Variants in RIPOR2 observed in about 807,000 individuals in gnomAD.
RIPOR2 encodes the protein RHO family interacting cell polarization regulator 2.
A neutral mutation model predicts 114.5 loss-of-function variants in RIPOR2; 39 were observed. The observed-to-expected ratio is 0.34, with a 90% confidence interval of 0.26 to 0.44. RIPOR2 has a LOEUF of 0.44. RIPOR2 is among the 20% of genes least tolerant of loss of function. The pLI is 1.00. For synonymous variants in RIPOR2, 445 were observed against 484.4 expected (o/e 0.92, Z 1.07); for missense variants, 1,007 against 1,255.1 (o/e 0.80, Z 2.99).
At chr6:24,837,104 T>C (rs367639353) in intron 14 of RIPOR2, among the ~76,000 whole-genome samples, 2 of 152,092 alleles carry the variant, frequency 1.3e-5, no homozygotes, top group Non-Finnish European at 2.9e-5. Context: ...AGCTAAAAAA[T>C]ATTAAGGCAG....
intron 1 of RIPOR2, among the ~76,000 whole-genome samples, chr6:24,953,105 G>A (rs545030697): frequency 6.6e-6 from 1 of 152,044 alleles, no homozygotes; most frequent in African/African-American, 2.4e-5. Context: ...AGGTCAAAGC[G>A]GGCGGATCAC....
chr6:24,853,862 T>A (rs199975196), intron 8 of RIPOR2, among the ~76,000 whole-genome samples: 2 of 152,144 alleles, frequency 1.3e-5, no homozygotes, highest in East Asian at 3.8e-4. Flanking sequence ...ACGCCTATAA[T>A]CCTAGCACTT....
At chr6:24,809,886 T>A in intron 20 of RIPOR2, 79 bp from the exon 21 acceptor site, 1 of 955,346 alleles carries the variant, frequency 1.0e-6, no homozygotes, top group Non-Finnish European at 1.6e-6. Context: ...TCACAACTGG[T>A]GGGAACTTTA....
At position 25,005,738 on chromosome 6, in the gene RIPOR2, T is replaced by TATATATATATATATATATATAC. The variant is rs34572978; in HGVS notation, c.76+36112_76+36113insGTATATATATATATATATATAT. Among the ~76,000 whole-genome samples the TATATATATATATATATATATAC allele has an allele frequency of 4.0e-4, 28 of 70,700 alleles. 7 individuals are homozygous for TATATATATATATATATATATAC. Among genetic ancestry groups the TATATATATATATATATATATAC allele is most frequent in the Non-Finnish European group, 6.7e-4 (20 of 30,032 alleles). The allele number at this position is 70,700 out of a possible 152,430, so 46.4% of individuals were successfully genotyped here. A position where few individuals can be genotyped will look rare whatever the true frequency, so the allele number is the denominator to read the frequency against. On this transcript the variant is annotated intron_variant, in intron 1 of 13. Coordinates refer to the RIPOR2 transcript ENST00000510784. Reference sequence around the variant, plus strand: ...ATATATATATATATATATATATATATATACATTTACCGATCAAAAGATATG... The same window carrying TATATATATATATATATATATAC: ...ATATATATATATATATATATATATATATATATATATATATATATATACATACATTTACCGATCAAAAGATATG...
chr6:24,894,965 A>G (rs890807280), intron 1 of RIPOR2, among the ~76,000 whole-genome samples: 2 of 152,186 alleles, frequency 1.3e-5, no homozygotes, highest in Non-Finnish European at 2.9e-5. Flanking sequence ...TATAACTATC[A>G]ATAACTTCTA....
chr6:25,036,816 G>A (rs1383473851), intron 1 of RIPOR2, among the ~76,000 whole-genome samples: 1 of 152,204 alleles, frequency 6.6e-6, no homozygotes, highest in Non-Finnish European at 1.5e-5. Flanking sequence ...TTTCCCAGAA[G>A]AACAGGAGTC....
chr6:24,954,924 A>T (rs753513930), intron 1 of RIPOR2, among the ~76,000 whole-genome samples: 3 of 152,244 alleles, frequency 2.0e-5, no homozygotes, highest in Non-Finnish European at 4.4e-5. Context: ...CACTTAGGGC[A>T]TTCTTCCTAA....
At chr6:25,018,103 C>A (rs1279074444) in intron 1 of RIPOR2, among the ~76,000 whole-genome samples, 1 of 152,176 alleles carries the variant, frequency 6.6e-6, no homozygotes, top group Admixed American at 6.5e-5. Context: ...ACTGCTCTTA[C>A]CTCCTTGCTT....
intron 1 of RIPOR2, among the ~76,000 whole-genome samples, chr6:24,918,883 G>A (rs1770278442): frequency 6.6e-6 from 1 of 152,134 alleles, no homozygotes; most frequent in South Asian, 2.1e-4. Context: ...TGCCTCCTCT[G>A]TAAACCTGGA....
intron 1 of RIPOR2, among the ~76,000 whole-genome samples, chr6:25,017,779 G>A (rs763656212): frequency 6.6e-6 from 1 of 152,232 alleles, no homozygotes; most frequent in Non-Finnish European, 1.5e-5. Context: ...TGACAGATGG[G>A]AATGCAGGAA....
intron 1 of RIPOR2, chr6:24,910,857 A>G: frequency 1.0e-6 from 1 of 985,398 alleles, no homozygotes; most frequent in Non-Finnish European, 1.2e-6. Flanking sequence ...GGGCACACTC[A>G]GGGTTCTCTG....
intron 1 of RIPOR2, among the ~76,000 whole-genome samples, chr6:24,986,441 T>A (rs1353331903): frequency 1.3e-5 from 2 of 152,212 alleles, no homozygotes; most frequent in Non-Finnish European, 2.9e-5. Context: ...GGCAATTACA[T>A]CTGGTAGACC....
chr6:24,948,015 A>G (rs866939159), intron 1 of RIPOR2: 21 of 152,116 alleles, frequency 1.4e-4, no homozygotes, highest in African/African-American at 5.1e-4. Flanking sequence ...ATTAACTCAT[A>G]CTAGCATCAT....
chr6:24,850,240 G>A (rs767341202), intron 10 of RIPOR2, among the ~76,000 whole-genome samples: 6 of 151,764 alleles, frequency 4.0e-5, no homozygotes, highest in Non-Finnish European at 7.4e-5. Flanking sequence ...GGGACTACAG[G>A]CACACGGACC....
chr6:25,042,048 G>C, upstream of RIPOR2: 1 of 411,828 alleles, frequency 2.4e-6, no homozygotes, highest in Non-Finnish European at 4.1e-6. Flanking sequence ...CCCCCTTTTT[G>C]TTCTTTTCTT....
intron 13 of RIPOR2, chr6:24,840,268 G>C: frequency 9.7e-7 from 1 of 1,031,094 alleles, no homozygotes; most frequent in Non-Finnish European, 1.2e-6. Context: ...TTCCTCTGAG[G>C]ACTGAGGAAA....
intron 1 of RIPOR2, chr6:24,976,388 C>T (rs9467372): frequency 0.025 from 34,509 of 1,374,620 alleles, 1,317 homozygotes; most frequent in East Asian, 0.19. Flanking sequence ...TTGCAGACGC[C>T]GCCGCCGAGG....
chr6:24,939,795 G>A (rs1254413051), upstream of RIPOR2, among the ~76,000 whole-genome samples: 2 of 152,316 alleles, frequency 1.3e-5, no homozygotes, highest in East Asian at 1.9e-4. Flanking sequence ...GAGAACAAAA[G>A]TATAGATGAA....
intron 1 of RIPOR2, among the ~76,000 whole-genome samples, chr6:24,961,322 T>G (rs185659432): frequency 1.3e-5 from 2 of 152,152 alleles, no homozygotes; most frequent in East Asian, 3.9e-4. Context: ...GGGGGAACAT[T>G]GTGTGAAAAG....
Sources: allele counts gnomAD v4.1 joint callset (sites outside exome capture counted in the v4.1 genomes callset), GRCh38; gene constraint gnomAD v4.1.1; transcripts MANE v1.5; gene names NCBI Gene and HGNC (gene_info 2026-07-23, HGNC 2026-07-21).